Variants in NTM observed in about 807,000 individuals in gnomAD.
NTM encodes the protein neurotrimin, also known as IgLON family member 2.
NTM carries 13 observed loss-of-function variants against 42.1 expected under a neutral mutation model. That is an observed-to-expected ratio of 0.31 (90% confidence interval 0.20 to 0.49). NTM has a LOEUF of 0.49. Among genes scored for constraint, NTM ranks in the 20% least tolerant of loss-of-function variants. The pLI is 0.99. For missense variants in NTM, 373 were observed against 452.8 expected (o/e 0.82, Z 1.60); for synonymous variants, 187 against 179.2 (o/e 1.04, Z -0.35).
In NTM at chr11:131,377,124, C is replaced by T. The variant is rs750097716; in HGVS notation, c.82+6236C>T. ...GATGGATGGCAGGGAAGTAACCAGC[C>T]CTCAATCCTTGTTTTGAGACAGGGG... On this transcript the variant is annotated intron_variant, in intron 1 of 8. Coordinates refer to ENST00000683400, the MANE Select transcript of NTM (RefSeq NM_001352005.2). 4.6e-5 allele frequency among the ~76,000 whole-genome samples: 7 copies of T among 152,246 alleles called. No homozygotes were observed. In the South Asian group the frequency reaches 1.0e-3, roughly 23 times the overall value.
chr11:132,100,330 G>C (rs982989799), intron 2 of NTM, among the ~76,000 whole-genome samples: 1 of 152,196 alleles, frequency 6.6e-6, no homozygotes, highest in African/African-American at 2.4e-5. Context: ...TGTTTTCCCA[G>C]ATCAGGGATT....
chr11:131,401,936 A>C (rs1310535477), intron 1 of NTM, among the ~76,000 whole-genome samples: 2 of 147,558 alleles, frequency 1.4e-5, no homozygotes, highest in African/African-American at 5.0e-5. Flanking sequence ...CCTCTTAGTT[A>C]CAGATGTAGG....
intron 1 of NTM, among the ~76,000 whole-genome samples, chr11:131,575,242 T>C (rs1378359826): frequency 6.6e-6 from 1 of 152,134 alleles, no homozygotes; most frequent in Admixed American, 6.5e-5. Flanking sequence ...ATTGTTAAAT[T>C]ATGGTAAGAC....
At chr11:131,405,211 A>T (rs986220661) in intron 1 of NTM, among the ~76,000 whole-genome samples, 1 of 152,202 alleles carries the variant, frequency 6.6e-6, no homozygotes, top group Non-Finnish European at 1.5e-5. Context: ...TTTCTTGGTG[A>T]CATTTAAGTT....
At chr11:131,766,240 G>A (rs1276370543) in intron 1 of NTM, among the ~76,000 whole-genome samples, 1 of 152,174 alleles carries the variant, frequency 6.6e-6, no homozygotes, top group Non-Finnish European at 1.5e-5. Context: ...TGTGTGATGG[G>A]AAGCAAAGCA....
chr11:131,722,822 T>A (rs1185162929), intron 1 of NTM, among the ~76,000 whole-genome samples: 1 of 152,234 alleles, frequency 6.6e-6, no homozygotes, highest in East Asian at 1.9e-4. Flanking sequence ...TATGTATCTT[T>A]GATCTCTAAC....
intron 1 of NTM, among the ~76,000 whole-genome samples, chr11:131,878,818 T>C (rs2049002532): frequency 6.6e-6 from 1 of 151,568 alleles, no homozygotes; most frequent in Non-Finnish European, 1.5e-5. Flanking sequence ...TCATGAGTAA[T>C]ATCTCTTTAA....
At chr11:132,135,800 G>T (rs1293411065) in intron 2 of NTM, among the ~76,000 whole-genome samples, 1 of 152,200 alleles carries the variant, frequency 6.6e-6, no homozygotes, top group Non-Finnish European at 1.5e-5. Context: ...GCTTTGTCCT[G>T]CACAGGGAGA....
At chr11:131,384,544 C>G (rs1454005429) in intron 1 of NTM, among the ~76,000 whole-genome samples, 1 of 141,030 alleles carries the variant, frequency 7.1e-6, no homozygotes, top group Non-Finnish European at 1.5e-5. Context: ...GTAATTATTT[C>G]AAAAGGTTTT....
chr11:131,430,876 C>T lies in NTM; in HGVS notation c.82+59988C>T, dbSNP rs572277943. 1.4e-4 allele frequency among the ~76,000 whole-genome samples: 21 copies of T among 152,348 alleles called. No homozygotes were observed. In the South Asian group the frequency reaches 2.5e-3, roughly 18 times the overall value. On this transcript the variant is annotated intron_variant, in intron 1 of 8. Coordinates refer to ENST00000683400, the MANE Select transcript of NTM (RefSeq NM_001352005.2). The stretch of plus-strand genomic sequence containing the variant: ...AATGCTCTCTCCTGGCAGCGTTCTG[C>T]GGGCTGCCGCCCTAATAGCCTGTCT...
Position 131,600,976 on chromosome 11 carries a change from A to G in NTM, c.82+230088A>G, listed in dbSNP as rs1345472180. On this transcript the variant is annotated intron_variant, in intron 1 of 8. Coordinates refer to ENST00000683400, the MANE Select transcript of NTM (RefSeq NM_001352005.2). ...GCCCATCTGCTTCTTGGCAAAATGCATCTCCTCAGCTTGAAGATCATATGC... is the reference window on the plus strand; with the variant it reads ...GCCCATCTGCTTCTTGGCAAAATGCGTCTCCTCAGCTTGAAGATCATATGC... 3.9e-5 allele frequency among the ~76,000 whole-genome samples: 6 copies of G among 152,198 alleles called. No individual in the cohort carries two copies. In the East Asian group the frequency reaches 9.6e-4, roughly 24 times the overall value.
intron 2 of NTM, among the ~76,000 whole-genome samples, chr11:131,929,769 G>A (rs1415727442): frequency 6.6e-6 from 1 of 152,076 alleles, no homozygotes; most frequent in Non-Finnish European, 1.5e-5. Context: ...GAAATTCCAC[G>A]AAGTCCGCTT....
Position 131,966,093 on chromosome 11 carries a change from C to A in NTM, c.167+54445C>A, listed in dbSNP as rs2062802298. On this transcript the variant is annotated intron_variant, in intron 2 of 8. Transcript: ENST00000683400. Reference sequence around the variant, plus strand: ...AGAACACTCGAGGGTGAGTTAATAGCATAATCAATATAGAGTTTGCATTTG... The same window carrying A: ...AGAACACTCGAGGGTGAGTTAATAGAATAATCAATATAGAGTTTGCATTTG... 1.3e-5 allele frequency among the ~76,000 whole-genome samples: 2 copies of A among 152,044 alleles called. 1 individual carries two copies. The highest frequency in any genetic ancestry group is 4.1e-4 in the South Asian group (2 of 4,820).
At chr11:132,150,751 T>C (rs1194255782) in intron 3 of NTM, among the ~76,000 whole-genome samples, 1 of 151,816 alleles carries the variant, frequency 6.6e-6, no homozygotes, top group Non-Finnish European at 1.5e-5. Context: ...AGTTCGAGGG[T>C]TGGTTAAGTG....
At chr11:131,528,041 T>C (rs753389895) in intron 1 of NTM, among the ~76,000 whole-genome samples, 3 of 152,210 alleles carry the variant, frequency 2.0e-5, no homozygotes, top group Non-Finnish European at 2.9e-5. Context: ...AATGCTCAAC[T>C]GGTATAATGC....
At chr11:131,761,862 A>G (rs987023801) in intron 1 of NTM, among the ~76,000 whole-genome samples, 3 of 150,892 alleles carry the variant, frequency 2.0e-5, no homozygotes, top group Admixed American at 6.6e-5. Context: ...TAAATAAATA[A>G]TAAATGCAGA....
chr11:132,179,436 G>C (rs553151782), intron 3 of NTM, among the ~76,000 whole-genome samples: 2 of 152,222 alleles, frequency 1.3e-5, no homozygotes, highest in South Asian at 2.1e-4. Context: ...TGTGTGGAGA[G>C]AGAGACAGAG....
chr11:131,504,226 G>A (rs551651416), intron 1 of NTM, among the ~76,000 whole-genome samples: 40 of 152,254 alleles, frequency 2.6e-4, no homozygotes, highest in Non-Finnish European at 4.7e-4. Context: ...CTCGCACAGC[G>A]CATGCCTGAA....
chr11:132,045,637 T>C (rs1250662156), intron 2 of NTM, among the ~76,000 whole-genome samples: 1 of 152,194 alleles, frequency 6.6e-6, no homozygotes, highest in Non-Finnish European at 1.5e-5. Flanking sequence ...CGGGATATAC[T>C]TAGCTCCCAA....
Sources: gnomAD v4.1 joint callset for allele counts (sites outside exome capture counted in the v4.1 genomes callset) on GRCh38, gnomAD v4.1.1 for gene constraint, MANE v1.5 for transcripts, NCBI Gene and HGNC (gene_info 2026-07-23, HGNC 2026-07-21) for gene names.